SPEF2: variants seen among roughly 807,000 people sequenced by gnomAD.
SPEF2 encodes the protein sperm flagellar and cilia associated 2, also known as sperm flagella and cilia-associated protein 2.
In SPEF2, 187 loss-of-function variants were observed where a neutral mutation model predicts 224.6. That is an observed-to-expected ratio of 0.83 (90% confidence interval 0.74 to 0.94). The LOEUF is 0.94. Among genes scored for constraint, SPEF2 ranks in the 40% least tolerant of loss-of-function variants. The probability of loss-of-function intolerance (pLI) is 0.00; values close to 1 mark genes in which losing one functional copy is unlikely to be tolerated. For synonymous variants in SPEF2, 715 were observed against 707.3 expected (o/e 1.01, Z -0.17); for missense variants, 2,170 against 2,135.6 (o/e 1.02, Z -0.32).
intron 1 of SPEF2, among the ~76,000 whole-genome samples, chr5:35,624,125 G>A (rs1456494113): frequency 2.0e-5 from 3 of 152,102 alleles, no homozygotes; most frequent in African/African-American, 7.2e-5. Flanking sequence ...CCATTTTGAT[G>A]GAAAGGCACA....
chr5:35,649,416 C>A lies in SPEF2; in HGVS notation c.782C>A (p.Ala261Glu). The change falls in exon 6 of 37, where the codon GCA becomes GAA. Residue 261 changes from alanine (A) to glutamate (E), a missense_variant. Physicochemically the swap from Ala to Glu is moderately radical, Grantham distance 107. Coordinates refer to ENST00000356031, the MANE Select transcript of SPEF2 (RefSeq NM_024867.4). ...GCATTAATAAAAAAGGATCTCCAAG[C>A]AAAAGAAAGGTGAGATGTGAGCTAT... ...FEALIKKDLQ[A>E]KESASKTSLD... is the part of the protein sequence containing the mutation. 2 of 1,610,544 alleles carry A rather than the reference C, an allele frequency of 1.2e-6. No individual in the cohort carries two copies. Among genetic ancestry groups the A allele is most frequent in the East Asian group, 4.5e-5 (2 of 44,556 alleles).
intron 3 of SPEF2, among the ~76,000 whole-genome samples, chr5:35,642,912 A>G (rs1036867407): frequency 6.6e-6 from 1 of 152,186 alleles, no homozygotes; most frequent in African/African-American, 2.4e-5. Context: ...TAGTCTTAAT[A>G]TGAATAATTT....
chr5:35,644,234 T>A lies in SPEF2; in HGVS notation c.415-121T>A, dbSNP rs2035994. The A allele has an allele frequency of 1.7e-4, 141 of 810,650 alleles. 1 individual carries two copies. In the African/African-American group the frequency reaches 2.2e-3, roughly 13 times the overall value. 50.2% of individuals were successfully genotyped at this position (810,650 alleles called of 1,614,324 possible). A position where few individuals can be genotyped will look rare whatever the true frequency, so the allele number is the denominator to read the frequency against. On this transcript the variant is annotated intron_variant, in intron 3 of 36. Coordinates refer to ENST00000356031, the MANE Select transcript of SPEF2 (RefSeq NM_024867.4). ...AATTGGAATGGGGTTTGAATTTAGCTTAACTATCAACAATAGTAATTTAAA... is the reference window on the plus strand; with the variant it reads ...AATTGGAATGGGGTTTGAATTTAGCATAACTATCAACAATAGTAATTTAAA...
At chr5:35,775,706 G>C (rs530357227) in intron 28 of SPEF2, among the ~76,000 whole-genome samples, 1 of 152,224 alleles carries the variant, frequency 6.6e-6, no homozygotes, top group African/African-American at 2.4e-5. Flanking sequence ...AAGTAGGATT[G>C]AGGCTATTGC....
At chr5:35,798,738 C>T (rs1008076188) in intron 33 of SPEF2, among the ~76,000 whole-genome samples, 6 of 152,058 alleles carry the variant, frequency 3.9e-5, no homozygotes, top group African/African-American at 7.2e-5. Flanking sequence ...GGATTACAGG[C>T]GCCCGCCACC....
At position 35,773,999 on chromosome 5, in the gene SPEF2, C is replaced by G. The variant is rs1423782398; in HGVS notation, c.4056C>G (p.His1352Gln). 6.2e-7 allele frequency: 1 copy of G among 1,612,482 alleles called. No homozygotes were observed. Among genetic ancestry groups the G allele is most frequent in the Admixed American group, 1.7e-5 (1 of 59,830 alleles). ...TGAGGGTCAAAATAAAAGAAGAACA[C>G]CTTGCTGCCTTGCAATTTGAAGGTA... ...NELRVKIKEEHLAALQFEEIA... is the reference protein window; with the variant it reads ...NELRVKIKEEQLAALQFEEIA... Residue 1352 changes from histidine (H) to glutamine (Q), a missense_variant, in exon 28 of 37, where the codon CAC (histidine) becomes CAG (glutamine). By Grantham distance (24) the His-to-Gln change is conservative. Transcript: ENST00000356031.
chr5:35,790,701 G>A, intron 30 of SPEF2: 1 of 181,062 alleles, frequency 5.5e-6, no homozygotes, highest in Middle Eastern at 2.1e-3. Context: ...ATTACGGTCT[G>A]AGTTCCCTTA....
At chr5:35,807,515 T>C in intron 36 of SPEF2, 1 of 980,852 alleles carries the variant, frequency 1.0e-6, no homozygotes, top group Non-Finnish European at 1.5e-6. Context: ...ATTGTAGCCA[T>C]GTAATGACCC....
intron 20 of SPEF2, among the ~76,000 whole-genome samples, chr5:35,721,172 T>G (rs1743600221): frequency 6.6e-6 from 1 of 152,248 alleles, no homozygotes; most frequent in Non-Finnish European, 1.5e-5. Context: ...GCAAGATTAA[T>G]TTCCACAATT....
intron 34 of SPEF2, among the ~76,000 whole-genome samples, chr5:35,802,859 G>A (rs1449239353): frequency 1.3e-5 from 2 of 152,178 alleles, no homozygotes; most frequent in Non-Finnish European, 2.9e-5. Context: ...TATGCAGGAT[G>A]AGAAGTCATT....
chr5:35,679,094 A>G (rs1752416387), intron 10 of SPEF2, among the ~76,000 whole-genome samples: 1 of 152,202 alleles, frequency 6.6e-6, no homozygotes. Flanking sequence ...CCCATGGAGT[A>G]TGGCTTCATT....
intron 6 of SPEF2, 62 bp from the exon 7 acceptor site, chr5:35,654,478 C>T: frequency 7.4e-7 from 1 of 1,355,248 alleles, no homozygotes. Flanking sequence ...TCCATAGTCA[C>T]AGATAGTGGC....
At chr5:35,649,065 T>C (rs1747822893) in intron 5 of SPEF2, among the ~76,000 whole-genome samples, 1 of 150,854 alleles carries the variant, frequency 6.6e-6, no homozygotes, top group Admixed American at 6.6e-5. Flanking sequence ...TATCCAAAAA[T>C]GTATGTCCTG....
intron 30 of SPEF2, among the ~76,000 whole-genome samples, chr5:35,785,521 A>G (rs1214139331): frequency 6.6e-6 from 1 of 151,770 alleles, no homozygotes; most frequent in Non-Finnish European, 1.5e-5. Flanking sequence ...TTTAATTTTA[A>G]ATTTACTTTT....
rs181053052 is a variant in SPEF2, at chr5:35,778,654, T to C, written c.4218-463T>C. Among the ~76,000 whole-genome samples, 726 of 152,350 alleles carry C rather than the reference T, an allele frequency of 4.8e-3. 5 individuals carry two copies. Among genetic ancestry groups the C allele is most frequent in the African/African-American group, 0.017 (689 of 41,594 alleles). ...CAGAAATAGAGAAAAGCCACTCTTC[T>C]AGAAATACATTATTGAACTTGATTC... is the stretch of plus-strand genomic sequence containing the variant. On this transcript the variant is annotated intron_variant, in intron 29 of 36. Transcript: ENST00000356031.
chr5:35,632,206 A>G (rs915743008), intron 2 of SPEF2, among the ~76,000 whole-genome samples: 1 of 152,212 alleles, frequency 6.6e-6, no homozygotes, highest in Non-Finnish European at 1.5e-5. Flanking sequence ...TCACACTGCT[A>G]TAAATATATA....
At chr5:35,650,378 T>C (rs1748009506) in intron 6 of SPEF2, among the ~76,000 whole-genome samples, 1 of 152,106 alleles carries the variant, frequency 6.6e-6, no homozygotes, top group Non-Finnish European at 1.5e-5. Context: ...AAAAACAACA[T>C]AATCCAAGTC....
intron 23 of SPEF2, among the ~76,000 whole-genome samples, chr5:35,749,129 A>G (rs188289010): frequency 2.6e-5 from 4 of 152,312 alleles, no homozygotes; most frequent in Non-Finnish European, 5.9e-5. Context: ...GATGCAGAAA[A>G]AGCATTTGAC....
intron 8 of SPEF2, among the ~76,000 whole-genome samples, chr5:35,661,445 T>G (rs1749736093): frequency 6.6e-6 from 1 of 150,946 alleles, no homozygotes. Flanking sequence ...ACTTTTAAGT[T>G]CAGGGGTATA....
Sources: allele counts gnomAD v4.1 joint callset (sites outside exome capture counted in the v4.1 genomes callset), GRCh38; gene constraint gnomAD v4.1.1; transcripts MANE v1.5; gene names NCBI Gene and HGNC (gene_info 2026-07-23, HGNC 2026-07-21).